TTC23: variants seen among roughly 807,000 people sequenced by gnomAD.
The protein encoded by TTC23 is tetratricopeptide repeat domain 23, also known as tetratricopeptide repeat protein 23.
Under a neutral mutation model 55.1 loss-of-function variants are expected in TTC23, and 58 were observed. The observed-to-expected ratio is 1.05, with a 90% CI of 0.85 to 1.31. TTC23 has a LOEUF of 1.31. Ranked by LOEUF, TTC23 falls within the 50% of genes most tolerant of loss-of-function variation. The pLI is 0.00. For missense variants in TTC23, 516 were observed against 534.4 expected (o/e 0.97, Z 0.34); for synonymous variants, 203 against 199.9 (o/e 1.02, Z -0.13).
At chr15:99,211,400 GAAGT>G (rs939234603) in intron 8 of TTC23, among the ~76,000 whole-genome samples, 4 of 151,694 alleles carry the variant, frequency 2.6e-5, no homozygotes, top group African/African-American at 4.9e-5. Flanking sequence ...AAAAAAAGAA[GAAGT>G]AAGTATATAC....
chr15:99,201,166 A>T (rs533474987), intron 8 of TTC23, among the ~76,000 whole-genome samples: 30 of 152,154 alleles, frequency 2.0e-4, no homozygotes, highest in Admixed American at 2.0e-3. Flanking sequence ...TTACTTTTAT[A>T]TCATAAAAAT....
intron 5 of TTC23, among the ~76,000 whole-genome samples, chr15:99,226,052 T>G (rs904064076): frequency 2.0e-5 from 3 of 152,070 alleles, no homozygotes; most frequent in African/African-American, 4.8e-5. Flanking sequence ...ACAAAACAAT[T>G]AGAGTATATA....
At chr15:99,237,754 T>C (rs889744889) in intron 3 of TTC23, among the ~76,000 whole-genome samples, 1 of 152,122 alleles carries the variant, frequency 6.6e-6, no homozygotes, top group Non-Finnish European at 1.5e-5. Context: ...ATGCTCATTA[T>C]CTTGACTGGT....
intron 9 of TTC23, among the ~76,000 whole-genome samples, chr15:99,195,848 G>T (rs2075651947): frequency 6.9e-6 from 1 of 144,438 alleles, no homozygotes. Context: ...ACTCAATTTT[G>T]CTGTGAACCT....
chr15:99,145,384 A>G (rs2068721189), intron 12 of TTC23: 1 of 152,228 alleles, frequency 6.6e-6, no homozygotes, highest in Non-Finnish European at 1.5e-5. Context: ...AAGAGCTACA[A>G]AAGAAAAAAG....
intron 9 of TTC23, among the ~76,000 whole-genome samples, chr15:99,193,162 A>G (rs916025260): frequency 6.6e-6 from 1 of 152,156 alleles, no homozygotes; most frequent in African/African-American, 2.4e-5. Flanking sequence ...CTCTGATAAG[A>G]CTTTGGACCG....
upstream of TTC23, among the ~76,000 whole-genome samples, chr15:99,250,610 C>T (rs746653080): frequency 2.0e-5 from 3 of 152,164 alleles, no homozygotes; most frequent in Non-Finnish European, 4.4e-5. Flanking sequence ...CCGAACTATG[C>T]TTCCAAGTAT....
intron 1 of TTC23, among the ~76,000 whole-genome samples, chr15:99,248,009 G>C (rs1170839138): frequency 6.6e-6 from 1 of 152,090 alleles, no homozygotes; most frequent in East Asian, 1.9e-4. Flanking sequence ...TACATATTAT[G>C]ACAAGACTTT....
intron 4 of TTC23, among the ~76,000 whole-genome samples, chr15:99,234,386 T>TTTA (rs1567554662): frequency 1.1e-4 from 16 of 152,116 alleles, no homozygotes; most frequent in Non-Finnish European, 1.5e-4. Flanking sequence ...TTATTTATTT[T>TTTA]TTGAGACGGA....
chr15:99,192,434 G>A (rs1288173875), intron 9 of TTC23, among the ~76,000 whole-genome samples: 1 of 152,244 alleles, frequency 6.6e-6, no homozygotes, highest in Non-Finnish European at 1.5e-5. Flanking sequence ...CTGTGTCCCA[G>A]CTGCTCCAGC....
intron 4 of TTC23, among the ~76,000 whole-genome samples, chr15:99,229,806 A>G (rs1352851384): frequency 6.6e-6 from 1 of 152,200 alleles, no homozygotes; most frequent in African/African-American, 2.4e-5. Context: ...ATGAGGCATT[A>G]GATAGTTAGA....
chr15:99,161,938 T>C (rs1447348784), intron 10 of TTC23, 71 bp from the exon 11 acceptor site: 5 of 1,477,284 alleles, frequency 3.4e-6, no homozygotes, highest in Non-Finnish European at 4.5e-6. Flanking sequence ...ATAAATATAC[T>C]GTTAGCAGTG....
intron 12 of TTC23, among the ~76,000 whole-genome samples, chr15:99,141,523 T>G (rs1347761021): frequency 6.6e-6 from 1 of 152,200 alleles, no homozygotes; most frequent in Non-Finnish European, 1.5e-5. Context: ...CTTTGTTATG[T>G]TATCCATACT....
intron 3 of TTC23, among the ~76,000 whole-genome samples, chr15:99,237,662 G>T (rs1488447910): frequency 2.0e-5 from 3 of 152,162 alleles, no homozygotes; most frequent in East Asian, 3.9e-4. Flanking sequence ...ACGGGGACGG[G>T]ACACAAGAGG....
intron 8 of TTC23, among the ~76,000 whole-genome samples, chr15:99,205,706 G>GGTA (rs985080724): frequency 6.6e-6 from 1 of 151,202 alleles, no homozygotes; most frequent in Non-Finnish European, 1.5e-5. Flanking sequence ...ATAGCTTTTT[G>GGTA]GTAGAATCTA....
In TTC23 at chr15:99,137,826, C is replaced by T; in HGVS notation, c.*184G>A. On this transcript the variant is annotated 3_prime_UTR_variant, in exon 14 of 14. Transcript: ENST00000394132. The stretch of plus-strand genomic sequence containing the variant: ...TTATAGCATATATCACCCTGAAGGG[C>T]ATCCACTGTCAAAATGTGGCCCACG... 1 of 896,264 alleles carries T rather than the reference C, an allele frequency of 1.1e-6. No homozygotes were observed. Among genetic ancestry groups the T allele is most frequent in the Non-Finnish European group, 1.7e-6 (1 of 605,126 alleles). The allele number at this position is 896,264 out of a possible 1,614,324, so 55.5% of individuals were successfully genotyped here. A position where few individuals can be genotyped will look rare whatever the true frequency, so the allele number is the denominator to read the frequency against.
At chr15:99,138,254 G>A in intron 13 of TTC23, 127 bp from the exon 14 acceptor site, 1 of 1,103,582 alleles carries the variant, frequency 9.1e-7, no homozygotes, top group Middle Eastern at 3.1e-4. Context: ...GGCTATAAAT[G>A]AGAGGAGAAT....
intron 8 of TTC23, among the ~76,000 whole-genome samples, chr15:99,204,161 C>A (rs1383948417): frequency 6.6e-6 from 1 of 152,144 alleles, no homozygotes; most frequent in African/African-American, 2.4e-5. Context: ...GCATCCATTA[C>A]TGCCTTTTTG....
intron 4 of TTC23, among the ~76,000 whole-genome samples, chr15:99,229,032 C>G (rs770096213): frequency 2.1e-5 from 2 of 97,080 alleles, no homozygotes; most frequent in East Asian, 9.6e-4. Flanking sequence ...TACATACATA[C>G]GTAAAGTCCA....
Sources: allele counts gnomAD v4.1 joint callset (sites outside exome capture counted in the v4.1 genomes callset), GRCh38; gene constraint gnomAD v4.1.1; transcripts MANE v1.5; gene names NCBI Gene and HGNC (gene_info 2026-07-23, HGNC 2026-07-21).